The following ZFYVE9 variants were observed in gnomAD, a reference collection of about 807,000 sequenced individuals.
The protein encoded by ZFYVE9 is zinc finger FYVE domain-containing protein 9.
Under a neutral mutation model 126.7 loss-of-function variants are expected in ZFYVE9, and 43 were observed. The observed-to-expected ratio is 0.34, with a 90% CI of 0.27 to 0.44. The LOEUF (loss-of-function observed/expected upper bound fraction) is 0.44, where lower values mean the gene tolerates loss of function less well. Among genes scored for constraint, ZFYVE9 ranks in the 20% least tolerant of loss-of-function variants. ZFYVE9 has a pLI of 1.00. For synonymous variants in ZFYVE9, 521 were observed against 597.4 expected (o/e 0.87, Z 1.87); for missense variants, 1,476 against 1,697.0 (o/e 0.87, Z 2.29).
At chr1:52,266,152 G>T (rs1243656719) in intron 5 of ZFYVE9, among the ~76,000 whole-genome samples, 1 of 151,838 alleles carries the variant, frequency 6.6e-6, no homozygotes, top group African/African-American at 2.4e-5. Flanking sequence ...AGGCTGGAGT[G>T]CAGTGGTGTG....
At chr1:52,320,965 C>T in intron 13 of ZFYVE9, among the ~76,000 whole-genome samples, 1 of 152,044 alleles carries the variant, frequency 6.6e-6, no homozygotes, top group East Asian at 1.9e-4. Flanking sequence ...AAGAGTTAAC[C>T]TATCGAAGTC....
chr1:52,344,477 C>A (rs1335373186), intron 17 of ZFYVE9, among the ~76,000 whole-genome samples: 1 of 152,174 alleles, frequency 6.6e-6, no homozygotes, highest in Non-Finnish European at 1.5e-5. Flanking sequence ...AAAATGGAGG[C>A]CTTTTCTAGT....
chr1:52,200,813 T>TTG (rs1644916554), intron 1 of ZFYVE9, among the ~76,000 whole-genome samples: 1 of 152,216 alleles, frequency 6.6e-6, no homozygotes, highest in Non-Finnish European at 1.5e-5. Context: ...CTGACTATAT[T>TTG]TGTGTGTGTC....
chr1:52,255,958 C>CTTTTT (rs376335688), intron 4 of ZFYVE9, among the ~76,000 whole-genome samples: 1 of 83,270 alleles, frequency 1.2e-5, no homozygotes. Flanking sequence ...CTTTTCTTTT[C>CTTTTT]TTTTCTTTTC....
rs185634284 is a variant in ZFYVE9, at chr1:52,320,560, A to C, written c.3439-12208A>C. On this transcript the variant is annotated intron_variant, in intron 13 of 18. Transcript: ENST00000287727. ...TCTTTTGAACAAAAATGGTCTTTAT[A>C]ATTGTATAGCCAGTTGTTTGAAAAA... Among the ~76,000 whole-genome samples, 4 of 152,332 alleles carry C rather than the reference A, an allele frequency of 2.6e-5. No individual in the cohort carries two copies. The East Asian group carries it at 7.7e-4, about 29-fold the overall frequency.
chr1:52,274,436 G>C, intron 7 of ZFYVE9, 28 bp from the exon 8 acceptor site: 2 of 1,581,254 alleles, frequency 1.3e-6, no homozygotes, highest in Non-Finnish European at 1.7e-6. Context: ...TCTCTGTAGT[G>C]CTCACTTTGT....
At chr1:52,241,479 G>A (rs538196478) in intron 4 of ZFYVE9, among the ~76,000 whole-genome samples, 37 of 152,310 alleles carry the variant, frequency 2.4e-4, no homozygotes, top group Admixed American at 1.3e-3. Context: ...TTTCTGAAGT[G>A]TTTGCTTTCT....
chr1:52,171,771 T>C (rs1397240069), intron 1 of ZFYVE9, among the ~76,000 whole-genome samples: 3 of 152,268 alleles, frequency 2.0e-5, no homozygotes, highest in Non-Finnish European at 4.4e-5. Context: ...CATTTTTTCA[T>C]GTGTCTTTTG....
intron 8 of ZFYVE9, among the ~76,000 whole-genome samples, chr1:52,278,068 C>T (rs921091890): frequency 6.6e-6 from 1 of 152,160 alleles, no homozygotes; most frequent in Non-Finnish European, 1.5e-5. Context: ...GGGCTCTCTT[C>T]TACCCCAACT....
At chr1:52,268,320 A>G in intron 6 of ZFYVE9, 143 bp from the exon 7 acceptor site, 1 of 751,494 alleles carries the variant, frequency 1.3e-6, no homozygotes, top group Non-Finnish European at 2.1e-6. Flanking sequence ...TTTTATATAC[A>G]GTTACATTTC....
intron 2 of ZFYVE9, among the ~76,000 whole-genome samples, chr1:52,222,537 A>G (rs1645132927): frequency 6.6e-6 from 1 of 152,236 alleles, no homozygotes; most frequent in Non-Finnish European, 1.5e-5. Context: ...ACTAGCCGGG[A>G]TGACCTGTCT....
chr1:52,276,142 G>A (rs1403384166), intron 8 of ZFYVE9, among the ~76,000 whole-genome samples: 1 of 151,996 alleles, frequency 6.6e-6, no homozygotes, highest in South Asian at 2.1e-4. Flanking sequence ...TCTTGACCTG[G>A]TGATTTGCCC....
chr1:52,147,971 C>T (rs770604779), intron 1 of ZFYVE9, among the ~76,000 whole-genome samples: 23 of 151,064 alleles, frequency 1.5e-4, no homozygotes, highest in Non-Finnish European at 2.2e-4. Flanking sequence ...TCAATAGAGG[C>T]GAGGTTTCAT....
intron 7 of ZFYVE9, among the ~76,000 whole-genome samples, chr1:52,272,770 A>G (rs187101526): frequency 4.8e-4 from 73 of 150,628 alleles, no homozygotes; most frequent in African/African-American, 1.6e-3. Context: ...TCCAGGTTCA[A>G]GCAATTCTCC....
At chr1:52,305,366 T>A (rs1029190484) in intron 13 of ZFYVE9, among the ~76,000 whole-genome samples, 1 of 152,006 alleles carries the variant, frequency 6.6e-6, no homozygotes, top group East Asian at 1.9e-4. Flanking sequence ...GAGGCAGAGG[T>A]TGCAGTGAGC....
At chr1:52,283,480 A>C (rs955402898) in intron 10 of ZFYVE9, among the ~76,000 whole-genome samples, 1 of 152,218 alleles carries the variant, frequency 6.6e-6, no homozygotes, top group Non-Finnish European at 1.5e-5. Context: ...AAGCAATTTC[A>C]GGATAAGCAA....
chr1:52,318,803 T>G (rs576792493), intron 13 of ZFYVE9, among the ~76,000 whole-genome samples: 3 of 152,194 alleles, frequency 2.0e-5, no homozygotes, highest in African/African-American at 7.2e-5. Context: ...AGAAATTTAA[T>G]AACGATACAG....
At position 52,216,422 on chromosome 1, in the gene ZFYVE9, C is replaced by T; in HGVS notation, c.-89C>T. ...GACTGGCTGGTGGTGCAGCAGACATCATGAGTAAGCACCGAGAAGTCTGTT... is the reference window on the plus strand; with the variant it reads ...GACTGGCTGGTGGTGCAGCAGACATTATGAGTAAGCACCGAGAAGTCTGTT... On this transcript the variant is annotated 5_prime_UTR_variant, in exon 2 of 19. Coordinates refer to ENST00000287727, the MANE Select transcript of ZFYVE9 (RefSeq NM_004799.4). 1 of 398,424 alleles carries T rather than the reference C, an allele frequency of 2.5e-6. No individual in the cohort carries two copies. The highest frequency in any genetic ancestry group is 4.4e-6 in the Non-Finnish European group (1 of 225,976). 24.7% of individuals were successfully genotyped at this position (398,424 alleles called of 1,614,324 possible).
At chr1:52,206,791 C>A (rs1175138557) in intron 1 of ZFYVE9, among the ~76,000 whole-genome samples, 2 of 152,182 alleles carry the variant, frequency 1.3e-5, no homozygotes, top group Non-Finnish European at 2.9e-5. Context: ...CTCAGGTGAT[C>A]TGCCCACCTC....
Sources: gnomAD v4.1 joint callset for allele counts (sites outside exome capture counted in the v4.1 genomes callset) on GRCh38, gnomAD v4.1.1 for gene constraint, MANE v1.5 for transcripts, NCBI Gene and HGNC (gene_info 2026-07-23, HGNC 2026-07-21) for gene names.